Variants in MAD1L1 observed in about 807,000 individuals in gnomAD.
MAD1L1 encodes the protein mitotic arrest deficient 1 like 1.
In MAD1L1, 95 loss-of-function variants were observed where a neutral mutation model predicts 96.9. The observed-to-expected ratio is 0.98, with a 90% CI of 0.83 to 1.16. MAD1L1 has a LOEUF of 1.16. Among genes scored for constraint, MAD1L1 ranks in the 50% most tolerant of loss-of-function variants. MAD1L1 has a pLI of 0.00. For synonymous variants in MAD1L1, 473 were observed against 396.6 expected (o/e 1.19, Z -2.29); for missense variants, 1,007 against 954.4 (o/e 1.06, Z -0.73).
chr7:1,906,276 C>T (rs990347323), intron 17 of MAD1L1, among the ~76,000 whole-genome samples: 3 of 152,162 alleles, frequency 2.0e-5, no homozygotes, highest in African/African-American at 4.8e-5. Context: ...ATGCCAACAC[C>T]GCTCCTGCTA....
intron 10 of MAD1L1, among the ~76,000 whole-genome samples, chr7:2,201,399 G>A (rs10280091): frequency 0.013 from 1,924 of 152,154 alleles, 45 homozygotes; most frequent in African/African-American, 0.043. Context: ...AAGTAGGGAC[G>A]TGGACACCCT....
chr7:1,879,299 T>TA (rs1785549670), intron 18 of MAD1L1, among the ~76,000 whole-genome samples: 1 of 151,834 alleles, frequency 6.6e-6, no homozygotes, highest in African/African-American at 2.4e-5. Context: ...CTACTAAAAA[T>TA]AAAAACTTAG....
At chr7:2,100,163 G>A (rs1055800100) in intron 11 of MAD1L1, among the ~76,000 whole-genome samples, 2 of 152,190 alleles carry the variant, frequency 1.3e-5, no homozygotes, top group Admixed American at 1.3e-4. Flanking sequence ...ACTGCTTTAC[G>A]ACGGCCAGCG....
Position 1,903,385 on chromosome 7 carries a change from A to G in MAD1L1, c.1808-4995T>C, listed in dbSNP as rs867182898. 9.5e-3 allele frequency among the ~76,000 whole-genome samples: 928 copies of G among 98,142 alleles called. 2 individuals carry two copies. The highest frequency in any genetic ancestry group is 0.033 in the African/African-American group (733 of 22,048). The allele number at this position is 98,142 out of a possible 152,430, so 64.4% of individuals were successfully genotyped here. A position where few individuals can be genotyped will look rare whatever the true frequency, so the allele number is the denominator to read the frequency against. On this transcript the variant is annotated intron_variant, in intron 17 of 18. Coordinates refer to ENST00000265854, the MANE Select transcript of MAD1L1 (RefSeq NM_001013836.2). ...AAGCACTGTTCCAGGCAGCGAGGAC[A>G]CAGTGGCCTATGGAAGACGTTCTTG...
In MAD1L1 at chr7:2,125,760, T is replaced by C. The variant is rs554632400; in HGVS notation, c.1073+23392A>G. 1.4e-4 allele frequency among the ~76,000 whole-genome samples: 21 copies of C among 152,362 alleles called. No homozygotes were observed. In the South Asian group the frequency reaches 4.4e-3, roughly 32 times the overall value. On this transcript the variant is annotated intron_variant, in intron 11 of 18. Transcript: ENST00000265854. ...TGAGCTCCCACCTCCAGCTAAGGGC[T>C]TCCTGGGGTCATTTACCACAGCTCT...
intron 10 of MAD1L1, among the ~76,000 whole-genome samples, chr7:2,174,924 G>GT (rs1328591120): frequency 2.0e-5 from 3 of 152,194 alleles, no homozygotes; most frequent in African/African-American, 7.2e-5. Context: ...ATGAGCGACT[G>GT]TGACGGCCAC....
intron 15 of MAD1L1, among the ~76,000 whole-genome samples, chr7:1,966,907 A>C (rs1322167747): frequency 1.3e-5 from 2 of 152,262 alleles, no homozygotes; most frequent in Non-Finnish European, 2.9e-5. Flanking sequence ...GGAAACCGTG[A>C]GGAATCGTAG....
Position 1,936,807 on chromosome 7 carries a change from G to C in MAD1L1, c.1687C>G (p.Gln563Glu). 1 of 1,597,030 alleles carries C rather than the reference G, an allele frequency of 6.3e-7. No homozygotes were observed. Among genetic ancestry groups the C allele is most frequent in the Middle Eastern group, 1.7e-4 (1 of 6,040 alleles). Residue 563 changes from glutamine (Q) to glutamate (E), a missense_variant, in exon 17 of 19, where the codon CAG becomes GAG. Coordinates refer to ENST00000265854, the MANE Select transcript of MAD1L1 (RefSeq NM_001013836.2). ...ARQRLREDHSQLQAECERLRG... is the reference protein window; with the variant it reads ...ARQRLREDHSELQAECERLRG... ...AGTCGCTCGCACTCCGCCTGCAGCT[G>C]GCTGTGGTCCTCGCGCAGGCGCTGC...
In MAD1L1 at chr7:1,861,173, C is replaced by G. The variant is rs562799874; in HGVS notation, c.1998+37027G>C. Reference sequence around the variant, plus strand: ...CCAAAGACGGGCAGGAGGCTGGTGACCCCCCGGGGCTGAGGCTGGGGCTCG... The same window carrying G: ...CCAAAGACGGGCAGGAGGCTGGTGAGCCCCCGGGGCTGAGGCTGGGGCTCG... On this transcript the variant is annotated intron_variant, in intron 18 of 18. Transcript: ENST00000265854. Among the ~76,000 whole-genome samples, 4 of 152,288 alleles carry G rather than the reference C, an allele frequency of 2.6e-5. No homozygotes were observed. The South Asian group carries it at 8.3e-4, about 32-fold the overall frequency.
At chr7:1,888,325 T>C (rs907899368) in intron 18 of MAD1L1, among the ~76,000 whole-genome samples, 3 of 141,830 alleles carry the variant, frequency 2.1e-5, no homozygotes, top group East Asian at 2.2e-4. Flanking sequence ...TGTGTGTGTG[T>C]GCATGCGTGC....
intron 11 of MAD1L1, among the ~76,000 whole-genome samples, chr7:2,106,211 G>A (rs1787090469): frequency 6.6e-6 from 1 of 151,970 alleles, no homozygotes; most frequent in Non-Finnish European, 1.5e-5. Context: ...TGGCACATCG[G>A]CAGCACCCCT....
At chr7:1,835,688 A>G (rs920316746) in intron 18 of MAD1L1, among the ~76,000 whole-genome samples, 2 of 152,192 alleles carry the variant, frequency 1.3e-5, no homozygotes, top group African/African-American at 2.4e-5. Flanking sequence ...AGGTGAGTCC[A>G]TACAGTGAAG....
rs1583845307 is a variant in MAD1L1 at position 1,936,711 on chromosome 7, G to A, written c.1783C>T (p.Leu595=). The A allele has an allele frequency of 3.2e-6, 5 of 1,557,812 alleles. No homozygotes were observed. The highest frequency in any genetic ancestry group is 1.4e-5 in the African/African-American group (1 of 73,728). ...CCTGCCACCTCCTTGGACGATGGCA[G>A]ACTCGCGGCGGCAGCCTCAAGGTCG... The part of the protein sequence containing the change: ...PADLEAAAAS[L]PSSKEVAELK... Residue 595 remains leucine (L), a synonymous_variant, in exon 17 of 19, where the codon CTG becomes TTG. Transcript: ENST00000265854.
At chr7:1,885,747 G>C (rs911936217) in intron 18 of MAD1L1, among the ~76,000 whole-genome samples, 2 of 152,320 alleles carry the variant, frequency 1.3e-5, no homozygotes, top group Admixed American at 6.5e-5. Flanking sequence ...GATCCCCGAG[G>C]GCTCGGCAGC....
At chr7:2,046,747 G>A (rs1392622445) in intron 12 of MAD1L1, among the ~76,000 whole-genome samples, 1 of 152,204 alleles carries the variant, frequency 6.6e-6, no homozygotes, top group Non-Finnish European at 1.5e-5. Flanking sequence ...GGTGGGAAAA[G>A]AGGTGAGTCC....
At chr7:2,043,672 G>A (rs1783793298) in intron 12 of MAD1L1, among the ~76,000 whole-genome samples, 3 of 152,206 alleles carry the variant, frequency 2.0e-5, no homozygotes, top group African/African-American at 4.8e-5. Context: ...CTGGCTGAGC[G>A]CCTGTTTCCC....
At chr7:2,199,501 A>G (rs1412597491) in intron 10 of MAD1L1, among the ~76,000 whole-genome samples, 1 of 152,246 alleles carries the variant, frequency 6.6e-6, no homozygotes, top group African/African-American at 2.4e-5. Context: ...TGCAGTGAAC[A>G]CTTTCTTTAA....
At chr7:2,046,269 C>G (rs989982781) in intron 12 of MAD1L1, among the ~76,000 whole-genome samples, 12 of 152,214 alleles carry the variant, frequency 7.9e-5, no homozygotes, top group African/African-American at 2.9e-4. Context: ...TGGACGGCAG[C>G]GCAGGCAAAT....
chr7:1,973,491 G>A (rs1194442085), intron 15 of MAD1L1, among the ~76,000 whole-genome samples: 2 of 152,142 alleles, frequency 1.3e-5, no homozygotes, highest in Non-Finnish European at 2.9e-5. Flanking sequence ...AAGGGTGGAT[G>A]CGAGCTGGGC....
Sources: allele counts gnomAD v4.1 joint callset (sites outside exome capture counted in the v4.1 genomes callset), GRCh38; gene constraint gnomAD v4.1.1; transcripts MANE v1.5; gene names NCBI Gene and HGNC (gene_info 2026-07-23, HGNC 2026-07-21).